PABPC4L: variants seen among roughly 807,000 people sequenced by gnomAD.
The protein encoded by PABPC4L is poly(A) binding protein cytoplasmic 4 like.
For missense variants in PABPC4L, 452 were observed against 451.4 expected (o/e 1.00, Z -0.01); for synonymous variants, 169 against 164.1 (o/e 1.03, Z -0.23).
chr4:134,063,072 T>G, the PABPC4L span, among the ~76,000 whole-genome samples: 1 of 152,102 alleles, frequency 6.6e-6, no homozygotes, highest in African/African-American at 2.4e-5. Context: ...TCTTGAAGAT[T>G]GTTTGAAGGC....
chr4:134,196,797 T>C lies in PABPC4L; in HGVS notation c.*3110A>G, dbSNP rs2125707240. 7.4e-6 allele frequency: 1 copy of C among 134,744 alleles called. No individual in the cohort carries two copies. The highest frequency in any genetic ancestry group is 2.6e-4 in the South Asian group (1 of 3,784). 8.3% of individuals were successfully genotyped at this position (134,744 alleles called of 1,614,324 possible). A position where few individuals can be genotyped will look rare whatever the true frequency, so the allele number is the denominator to read the frequency against. The stretch of plus-strand genomic sequence containing the variant: ...AAATTAAATCCATAGGATTGTATAT[T>C]TTTGTAAACTGACTGTCTTTTTTTT... On this transcript the variant is annotated 3_prime_UTR_variant, in exon 2 of 2. Transcript: ENST00000421491.
the PABPC4L span, among the ~76,000 whole-genome samples, chr4:134,005,669 A>G: frequency 1.3e-5 from 2 of 151,864 alleles, no homozygotes; most frequent in Non-Finnish European, 2.9e-5. Context: ...CATGTACTAT[A>G]GACACTAGGC....
At chr4:134,105,444 T>C in the PABPC4L span, among the ~76,000 whole-genome samples, 1 of 151,750 alleles carries the variant, frequency 6.6e-6, no homozygotes, top group Non-Finnish European at 1.5e-5. Context: ...TTATGTATTT[T>C]CTATATATGT....
At chr4:134,139,190 C>G in the PABPC4L span, among the ~76,000 whole-genome samples, 1 of 151,764 alleles carries the variant, frequency 6.6e-6, no homozygotes, top group Non-Finnish European at 1.5e-5. Context: ...AATTTTAAAC[C>G]TACTTACTTT....
At chr4:134,008,424 C>A in the PABPC4L span, among the ~76,000 whole-genome samples, 1 of 151,520 alleles carries the variant, frequency 6.6e-6, no homozygotes, top group South Asian at 2.1e-4. Context: ...ACCTAATGCA[C>A]ACAATGTGTC....
chr4:134,035,987 T>A, the PABPC4L span, among the ~76,000 whole-genome samples: 1 of 151,998 alleles, frequency 6.6e-6, no homozygotes, highest in African/African-American at 2.4e-5. Context: ...AAGAACAACA[T>A]GAGGAAAACT....
the PABPC4L span, among the ~76,000 whole-genome samples, chr4:134,146,247 C>T: frequency 2.0e-5 from 3 of 151,680 alleles, no homozygotes; most frequent in African/African-American, 7.3e-5. Flanking sequence ...CAAGTTTATA[C>T]ATTCTCATGT....
chr4:134,066,681 A>G, the PABPC4L span, among the ~76,000 whole-genome samples: 3 of 152,094 alleles, frequency 2.0e-5, no homozygotes, highest in African/African-American at 7.2e-5. Flanking sequence ...TTGATTTGTC[A>G]TAGATGGCTC....
chr4:134,044,096 C>T, the PABPC4L span, among the ~76,000 whole-genome samples: 1 of 151,724 alleles, frequency 6.6e-6, no homozygotes, highest in African/African-American at 2.4e-5. Context: ...GGACTACAGC[C>T]ATGCTAATTT....
chr4:134,097,438 C>G, the PABPC4L span, among the ~76,000 whole-genome samples: 3 of 151,720 alleles, frequency 2.0e-5, no homozygotes, highest in Non-Finnish European at 4.4e-5. Flanking sequence ...CTTCGCAGAC[C>G]AATCAACTAC....
At chr4:134,142,381 T>C in the PABPC4L span, among the ~76,000 whole-genome samples, 1 of 151,574 alleles carries the variant, frequency 6.6e-6, no homozygotes, top group East Asian at 1.9e-4. Context: ...AAAAGCATAG[T>C]CGAACCTTCT....
chr4:133,995,025 C>T, the PABPC4L span, among the ~76,000 whole-genome samples: 3 of 152,070 alleles, frequency 2.0e-5, no homozygotes, highest in Non-Finnish European at 4.4e-5. Context: ...CAGAGGTGGC[C>T]GCTCTGAGAG....
chr4:134,172,953 G>GA, the PABPC4L span, among the ~76,000 whole-genome samples: 1 of 151,700 alleles, frequency 6.6e-6, no homozygotes, highest in African/African-American at 2.4e-5. Flanking sequence ...ACAGTTTTAT[G>GA]AAAAAATGTT....
chr4:134,032,156 C>G, the PABPC4L span, among the ~76,000 whole-genome samples: 1 of 151,688 alleles, frequency 6.6e-6, no homozygotes, highest in Non-Finnish European at 1.5e-5. Flanking sequence ...TGCTTTGACA[C>G]GGAACAACCC....
chr4:134,142,102 G>C, the PABPC4L span, among the ~76,000 whole-genome samples: 1 of 151,702 alleles, frequency 6.6e-6, no homozygotes, highest in Non-Finnish European at 1.5e-5. Flanking sequence ...AGAAAAAAAT[G>C]CCTATATGGC....
the PABPC4L span, among the ~76,000 whole-genome samples, chr4:134,186,975 A>G: frequency 6.6e-6 from 1 of 152,268 alleles, no homozygotes; most frequent in South Asian, 2.1e-4. Context: ...GAGAAATGCA[A>G]ATCAAAACCA....
the PABPC4L span, among the ~76,000 whole-genome samples, chr4:134,026,805 T>G: frequency 6.6e-6 from 1 of 152,082 alleles, no homozygotes; most frequent in Admixed American, 6.6e-5. Flanking sequence ...ACAGGGAAAT[T>G]TTCTTGAGAA....
At chr4:134,190,397 C>T in the PABPC4L span, among the ~76,000 whole-genome samples, 2 of 151,826 alleles carry the variant, frequency 1.3e-5, no homozygotes, top group Non-Finnish European at 2.9e-5. Context: ...TGTATAGGTA[C>T]CCTTCAGTTC....
chr4:134,082,756 CT>C, the PABPC4L span, among the ~76,000 whole-genome samples: 6 of 151,724 alleles, frequency 4.0e-5, no homozygotes, highest in Admixed American at 1.3e-4. Flanking sequence ...CATATTTTTC[CT>C]GTTAATATTT....
Sources: allele counts gnomAD v4.1 joint callset (sites outside exome capture counted in the v4.1 genomes callset), GRCh38; gene constraint gnomAD v4.1.1; transcripts MANE v1.5; gene names NCBI Gene and HGNC (gene_info 2026-07-23, HGNC 2026-07-21).